BOD1L2: variants seen among roughly 807,000 people sequenced by gnomAD.
The protein encoded by BOD1L2 is biorientation of chromosomes in cell division 1 like 2.
BOD1L2 carries 6 observed loss-of-function variants against 5.3 expected under a neutral mutation model. The observed-to-expected ratio is 1.14, with a 90% CI of 0.62 to 2.25. The LOEUF is 2.25. BOD1L2 is among the 30% of genes most tolerant of loss of function. BOD1L2 has a pLI of 0.00. For synonymous variants in BOD1L2, 96 were observed against 96.3 expected, an observed-to-expected ratio of 1.00 and a Z score of 0.02; for missense variants, 210 against 227.2, an observed-to-expected ratio of 0.92 and a Z score of 0.49.
chr18:57,147,098 G>A lies in BOD1L2; in HGVS notation c.-215G>A. On this transcript the variant is annotated 5_prime_UTR_variant, in exon 1 of 1. Transcript: ENST00000585477. The stretch of plus-strand genomic sequence containing the variant: ...GCTTGGAATCCAGCAGGCGGTTGCT[G>A]CCGCGTCTTCCACAACCTCCGCGGT... 1.8e-6 allele frequency: 1 copy of A among 561,564 alleles called. No individual in the cohort carries two copies. The highest frequency in any genetic ancestry group is 2.4e-6 in the Non-Finnish European group (1 of 424,968). The allele number at this position is 561,564 out of a possible 1,614,324, so 34.8% of individuals were successfully genotyped here.
At position 57,147,328 on chromosome 18, in the gene BOD1L2, G is replaced by GGCGGCGGCA; in HGVS notation, c.24_32dup (p.Ser9_Gly11dup). On this transcript the variant is annotated inframe_insertion, in exon 1 of 1. Coordinates refer to ENST00000585477, the MANE Select transcript of BOD1L2 (RefSeq NM_001257964.2). Reference sequence around the variant, plus strand: ...GTGCGCAGCCATGGCGGACGGTGGCGGCGGCGGCAGCGGCGGTGCGGGCCC... The same window carrying GGCGGCGGCA: ...GTGCGCAGCCATGGCGGACGGTGGCGGCGGCGGCAGCGGCGGCAGCGGCGGTGCGGGCCC... 1.0e-5 allele frequency: 12 copies of GGCGGCGGCA among 1,200,682 alleles called. No homozygotes were observed. The highest frequency in any genetic ancestry group is 1.2e-5 in the Non-Finnish European group (12 of 971,722). 74.4% of individuals were successfully genotyped at this position (1,200,682 alleles called of 1,614,324 possible). A position where few individuals can be genotyped will look rare whatever the true frequency, so the allele number is the denominator to read the frequency against.
chr18:57,148,855 C>T lies in BOD1L2; in HGVS notation c.*1024C>T, dbSNP rs975619800. 2 of 152,228 alleles carry T rather than the reference C, an allele frequency of 1.3e-5. No individual in the cohort carries two copies. The highest frequency in any genetic ancestry group is 2.9e-5 in the Non-Finnish European group (2 of 68,076). 9.4% of individuals were successfully genotyped at this position (152,228 alleles called of 1,614,324 possible). A position where few individuals can be genotyped will look rare whatever the true frequency, so the allele number is the denominator to read the frequency against. On this transcript the variant is annotated 3_prime_UTR_variant, in exon 1 of 1. Transcript: ENST00000585477. ...ACCACTCCTACCCTCCTTTAAGACT[C>T]AGCTCCTGAGGAGCCACACATCGTC...
In BOD1L2 at chr18:57,147,577, T is replaced by C. The variant is rs560778222; in HGVS notation, c.265T>C (p.Trp89Arg). 28 of 1,613,098 alleles carry C rather than the reference T, an allele frequency of 1.7e-5. No homozygotes were observed. In the African/African-American group the frequency reaches 3.6e-4, roughly 21 times the overall value. ...FVSTHLDKQE[W>R]NPPANDNQLH... ...GTCGACACATCTGGACAAGCAGGAATGGAATCCTCCAGCAAACGACAACCA... is the reference window on the plus strand; with the variant it reads ...GTCGACACATCTGGACAAGCAGGAACGGAATCCTCCAGCAAACGACAACCA... Residue 89 changes from tryptophan (W) to arginine (R), a missense_variant, in exon 1 of 1, where the codon TGG becomes CGG. By Grantham distance (101) the Trp-to-Arg change is moderately radical. Coordinates refer to ENST00000585477, the MANE Select transcript of BOD1L2 (RefSeq NM_001257964.2).
chr18:57,149,617 A>G lies in BOD1L2; in HGVS notation c.*1786A>G, dbSNP rs1478102298. 6.6e-6 allele frequency: 1 copy of G among 152,190 alleles called. No individual in the cohort carries two copies. Among genetic ancestry groups the G allele is most frequent in the African/African-American group, 2.4e-5 (1 of 41,456 alleles). 9.4% of individuals were successfully genotyped at this position (152,190 alleles called of 1,614,324 possible). A position where few individuals can be genotyped will look rare whatever the true frequency, so the allele number is the denominator to read the frequency against. On this transcript the variant is annotated 3_prime_UTR_variant, in exon 1 of 1. Transcript: ENST00000585477. Reference sequence around the variant, plus strand: ...TTCCCAGGTACCAGGCTCTTTTTAAAATTAGCTTCTGAATATGAACAACCC... The same window carrying G: ...TTCCCAGGTACCAGGCTCTTTTTAAGATTAGCTTCTGAATATGAACAACCC...
At position 57,147,928 on chromosome 18, in the gene BOD1L2, A is replaced by C; in HGVS notation, c.*97A>C. ...GCAGTTTCAGATTGAAGATAAGCCA[A>C]GTTCATCACTGAGCTCAAGATTTCC... On this transcript the variant is annotated 3_prime_UTR_variant, in exon 1 of 1. Transcript: ENST00000585477. 2.4e-6 allele frequency: 3 copies of C among 1,270,078 alleles called. No homozygotes were observed. In the South Asian group the frequency reaches 4.6e-5, roughly 19 times the overall value. The allele number at this position is 1,270,078 out of a possible 1,614,324, so 78.7% of individuals were successfully genotyped here.
chr18:57,148,108 A>G lies in BOD1L2; in HGVS notation c.*277A>G, dbSNP rs2048936890. The G allele has an allele frequency of 2.9e-6, 1 of 339,222 alleles. No homozygotes were observed. Among genetic ancestry groups the G allele is most frequent in the Admixed American group, 4.2e-5 (1 of 23,888 alleles). The allele number at this position is 339,222 out of a possible 1,614,324, so 21.0% of individuals were successfully genotyped here. A position where few individuals can be genotyped will look rare whatever the true frequency, so the allele number is the denominator to read the frequency against. ...CTACAGAGAGGGAAACACTACCGCG[A>G]CCCAGGATTGTCCTGAAACAGACAT... On this transcript the variant is annotated 3_prime_UTR_variant, in exon 1 of 1. Coordinates refer to ENST00000585477, the MANE Select transcript of BOD1L2 (RefSeq NM_001257964.2).
rs1392127978 is a variant in BOD1L2, at chr18:57,147,284, C to T, written c.-29C>T. On this transcript the variant is annotated 5_prime_UTR_variant, in exon 1 of 1. Transcript: ENST00000585477. ...TCTGTCCTGGAGAAGAAGCTATAATCGGTTTCCTTGTGGGCCCGGTGCGCA... is the reference window on the plus strand; with the variant it reads ...TCTGTCCTGGAGAAGAAGCTATAATTGGTTTCCTTGTGGGCCCGGTGCGCA... The T allele has an allele frequency of 4.3e-6, 5 of 1,153,436 alleles. No homozygotes were observed. The highest frequency in any genetic ancestry group is 1.7e-5 in the African/African-American group (1 of 60,248). The allele number at this position is 1,153,436 out of a possible 1,614,324, so 71.5% of individuals were successfully genotyped here. A position where few individuals can be genotyped will look rare whatever the true frequency, so the allele number is the denominator to read the frequency against.
Position 57,148,092 on chromosome 18 carries a change from G to T in BOD1L2, c.*261G>T. 5.1e-6 allele frequency: 2 copies of T among 390,510 alleles called. No individual in the cohort carries two copies. Among genetic ancestry groups the T allele is most frequent in the Non-Finnish European group, 9.4e-6 (2 of 213,102 alleles). 24.2% of individuals were successfully genotyped at this position (390,510 alleles called of 1,614,324 possible). A position where few individuals can be genotyped will look rare whatever the true frequency, so the allele number is the denominator to read the frequency against. The stretch of plus-strand genomic sequence containing the variant: ...TGACACCAAACACACACTACAGAGA[G>T]GGAAACACTACCGCGACCCAGGATT... On this transcript the variant is annotated 3_prime_UTR_variant, in exon 1 of 1. Transcript: ENST00000585477.
At position 57,147,611 on chromosome 18, in the gene BOD1L2, A is replaced by G. The variant is rs73958874; in HGVS notation, c.299A>G (p.Asp100Gly). ...NPPANDNQLH[D>G]GLRQSVVQSG... ...CCAGCAAACGACAACCAACTGCACG[A>G]TGGTCTGAGGCAGAGTGTGGTTCAG... The change falls in exon 1 of 1, where the codon GAT becomes GGT. Residue 100 changes from aspartate (D) to glycine (G), a missense_variant. Transcript: ENST00000585477. 420 of 1,613,324 alleles carry G rather than the reference A, an allele frequency of 2.6e-4. 1 individual carries two copies. The African/African-American group carries it at 4.9e-3, about 19-fold the overall frequency.
In BOD1L2 at chr18:57,150,306, G is replaced by C. The variant is rs976224347; in HGVS notation, c.*2475G>C. On this transcript the variant is annotated 3_prime_UTR_variant, in exon 1 of 1. Transcript: ENST00000585477. The stretch of plus-strand genomic sequence containing the variant: ...AATAAATCAAACTACCGTGACTTGA[G>C]AGAGCTCATTACGTGCGTGCGTGCA... 1 of 143,896 alleles carries C rather than the reference G, an allele frequency of 6.9e-6. No homozygotes were observed. The highest frequency in any genetic ancestry group is 2.6e-5 in the African/African-American group (1 of 38,830). The allele number at this position is 143,896 out of a possible 1,614,324, so 8.9% of individuals were successfully genotyped here.
At position 57,147,867 on chromosome 18, in the gene BOD1L2, T is replaced by C. The variant is rs986918995; in HGVS notation, c.*36T>C. 1 of 1,543,916 alleles carries C rather than the reference T, an allele frequency of 6.5e-7. No homozygotes were observed. The highest frequency in any genetic ancestry group is 1.4e-5 in the African/African-American group (1 of 72,682). The stretch of plus-strand genomic sequence containing the variant: ...GACAGCTTTTGAAAGCGCTATTTAA[T>C]TTTTGGTGAAGAAATGGATTCGGTT... On this transcript the variant is annotated 3_prime_UTR_variant, in exon 1 of 1. Coordinates refer to ENST00000585477, the MANE Select transcript of BOD1L2 (RefSeq NM_001257964.2).
rs1173401209 is a variant in BOD1L2, at chr18:57,149,031, A to G, written c.*1200A>G. On this transcript the variant is annotated 3_prime_UTR_variant, in exon 1 of 1. Coordinates refer to ENST00000585477, the MANE Select transcript of BOD1L2 (RefSeq NM_001257964.2). ...AACGCTTAACTTCGCTTACCGTAGT[A>G]AGTCCTCATGATCTAATTGAAGAAA... 1.3e-5 allele frequency: 2 copies of G among 152,258 alleles called. No homozygotes were observed. Among genetic ancestry groups the G allele is most frequent in the Non-Finnish European group, 2.9e-5 (2 of 68,050 alleles). 9.4% of individuals were successfully genotyped at this position (152,258 alleles called of 1,614,324 possible).
rs1424820438 is a variant in BOD1L2 at position 57,148,763 on chromosome 18, C to T, written c.*932C>T. On this transcript the variant is annotated 3_prime_UTR_variant, in exon 1 of 1. Coordinates refer to ENST00000585477, the MANE Select transcript of BOD1L2 (RefSeq NM_001257964.2). ...CCGTACACTGTCATTTCTCATATGACAACCATGCCCATGACTATCCTGGAC... is the reference window on the plus strand; with the variant it reads ...CCGTACACTGTCATTTCTCATATGATAACCATGCCCATGACTATCCTGGAC... 6.6e-6 allele frequency: 1 copy of T among 152,248 alleles called. No homozygotes were observed. The highest frequency in any genetic ancestry group is 1.9e-4 in the East Asian group (1 of 5,198). 9.4% of individuals were successfully genotyped at this position (152,248 alleles called of 1,614,324 possible).
rs7237143 is a variant in BOD1L2, at chr18:57,147,144, C to G, written c.-169C>G. On this transcript the variant is annotated 5_prime_UTR_variant, in exon 1 of 1. Coordinates refer to ENST00000585477, the MANE Select transcript of BOD1L2 (RefSeq NM_001257964.2). ...GCGGTCTGGAGCTGGCCTCCCCCAC[C>G]GCCGCCCCAACCACCGGCCCCGCCG... The G allele has an allele frequency of 0.27, 255,968 of 939,408 alleles. 35,821 individuals are homozygous for G. The highest frequency in any genetic ancestry group is 0.28 in the Non-Finnish European group (216,376 of 767,334). The allele number at this position is 939,408 out of a possible 1,614,324, so 58.2% of individuals were successfully genotyped here. A position where few individuals can be genotyped will look rare whatever the true frequency, so the allele number is the denominator to read the frequency against.
Position 57,147,531 on chromosome 18 carries a change from C to A in BOD1L2, c.219C>A (p.Ser73Arg), listed in dbSNP as rs1248301013. 6.2e-7 allele frequency: 1 copy of A among 1,605,532 alleles called. No homozygotes were observed. Among genetic ancestry groups the A allele is most frequent in the South Asian group, 1.1e-5 (1 of 90,222 alleles). The change falls in exon 1 of 1, where the codon AGC becomes AGA. Residue 73 changes from serine (S) to arginine (R), a missense_variant. Transcript: ENST00000585477. The stretch of plus-strand genomic sequence containing the variant: ...CCAAGCCAGCTTACCAAAACCTGAG[C>A]CAGAAAGCGGATAATTTTGTGTCGA... ...VDTKPAYQNL[S>R]QKADNFVSTH...
chr18:57,147,498 C>T lies in BOD1L2; in HGVS notation c.186C>T (p.Asp62=). 1 of 1,587,136 alleles carries T rather than the reference C, an allele frequency of 6.3e-7. No homozygotes were observed. The change falls in exon 1 of 1, where the codon GAC becomes GAT. Residue 62 remains aspartate (D), a synonymous_variant. Coordinates refer to ENST00000585477, the MANE Select transcript of BOD1L2 (RefSeq NM_001257964.2). ...FDSFRRDCKA[D]VDTKPAYQNL... ...GCTTCCGCCGGGACTGCAAGGCTGA[C>T]GTGGACACCAAGCCAGCTTACCAAA...
In BOD1L2 at chr18:57,147,324, T is replaced by TGGCGGCGGC. The variant is rs1040526221; in HGVS notation, c.16_24dup (p.Gly6_Gly8dup). 3.4e-6 allele frequency: 4 copies of TGGCGGCGGC among 1,190,074 alleles called. No homozygotes were observed. Among genetic ancestry groups the TGGCGGCGGC allele is most frequent in the East Asian group, 4.3e-5 (1 of 23,374 alleles). 73.7% of individuals were successfully genotyped at this position (1,190,074 alleles called of 1,614,324 possible). A position where few individuals can be genotyped will look rare whatever the true frequency, so the allele number is the denominator to read the frequency against. On this transcript the variant is annotated inframe_insertion, in exon 1 of 1. Coordinates refer to ENST00000585477, the MANE Select transcript of BOD1L2 (RefSeq NM_001257964.2). ...CCCGGTGCGCAGCCATGGCGGACGG[T>TGGCGGCGGC]GGCGGCGGCGGCAGCGGCGGTGCGG... is the stretch of plus-strand genomic sequence containing the variant.
At position 57,147,715 on chromosome 18, in the gene BOD1L2, CA is replaced by C. The variant is rs1275636724; in HGVS notation, c.406del (p.Ile136Ter). ...DPKLNHIFRPQIEQIIHEFLV... is the reference protein window; with the variant it reads ...DPKLNHIFRPXIEQIIHEFLV... ...AAAACTAAACCACATCTTCAGGCCACAAATAGAACAAATAATTCATGAATTC... is the reference window on the plus strand; with the variant it reads ...AAAACTAAACCACATCTTCAGGCCACAATAGAACAAATAATTCATGAATTC... On this transcript the variant is annotated frameshift_variant, in exon 1 of 1. Coordinates refer to ENST00000585477, the MANE Select transcript of BOD1L2 (RefSeq NM_001257964.2). LOFTEE classifies it high-confidence loss of function. 1 of 1,613,666 alleles carries C rather than the reference CA, an allele frequency of 6.2e-7. No homozygotes were observed. Among genetic ancestry groups the C allele is most frequent in the African/African-American group, 1.3e-5 (1 of 74,914 alleles).
rs1223926419 is a variant in BOD1L2 at position 57,150,141 on chromosome 18, A to C, written c.*2310A>C. 2 of 152,208 alleles carry C rather than the reference A, an allele frequency of 1.3e-5. No individual in the cohort carries two copies. Among genetic ancestry groups the C allele is most frequent in the Non-Finnish European group, 2.9e-5 (2 of 68,034 alleles). 9.4% of individuals were successfully genotyped at this position (152,208 alleles called of 1,614,324 possible). A position where few individuals can be genotyped will look rare whatever the true frequency, so the allele number is the denominator to read the frequency against. On this transcript the variant is annotated 3_prime_UTR_variant, in exon 1 of 1. Transcript: ENST00000585477. ...TTATTTGTTGTTTATTTGAAATTCA[A>C]ATTTACTGGGGCCCCATGCTTTAGT...
Sources: allele counts gnomAD v4.1 joint callset, GRCh38; gene constraint gnomAD v4.1.1; transcripts MANE v1.5; gene names NCBI Gene and HGNC (gene_info 2026-07-23, HGNC 2026-07-21).